NXPE2: variants seen among roughly 807,000 people sequenced by gnomAD.
NXPE2 encodes the protein NXPE family member 2.
In NXPE2, 34 loss-of-function variants were observed where a neutral mutation model predicts 34.4. The ratio of observed to expected loss-of-function variants is 0.99; its 90% confidence interval spans 0.75 to 1.31. NXPE2 has a LOEUF of 1.31. Among genes scored for constraint, NXPE2 ranks in the 40% most tolerant of loss-of-function variants. NXPE2 has a pLI of 0.00. For synonymous variants in NXPE2, 235 were observed against 231.3 expected (o/e 1.02, Z -0.15); for missense variants, 649 against 672.5 (o/e 0.97, Z 0.39).
the NXPE2 span, among the ~76,000 whole-genome samples, chr11:114,799,832 C>T: frequency 0.032 from 4,893 of 152,152 alleles, 266 homozygotes; most frequent in African/African-American, 0.11. Flanking sequence ...TCATGACCGG[C>T]GGTGTTAACA....
chr11:114,641,368 C>T, the NXPE2 span, among the ~76,000 whole-genome samples: 4 of 152,122 alleles, frequency 2.6e-5, no homozygotes, highest in African/African-American at 9.6e-5. Flanking sequence ...CAAAAATAGA[C>T]TACATACTGA....
At chr11:114,792,307 G>A in the NXPE2 span, among the ~76,000 whole-genome samples, 1 of 152,112 alleles carries the variant, frequency 6.6e-6, no homozygotes, top group Non-Finnish European at 1.5e-5. Flanking sequence ...CATCAGAGCT[G>A]TCTCCTTGGG....
At chr11:114,653,386 A>G in the NXPE2 span, among the ~76,000 whole-genome samples, 1 of 152,056 alleles carries the variant, frequency 6.6e-6, no homozygotes, top group East Asian at 1.9e-4. Flanking sequence ...TAGACAATAA[A>G]CCATCTATTT....
At chr11:114,622,859 C>A in the NXPE2 span, among the ~76,000 whole-genome samples, 1 of 151,734 alleles carries the variant, frequency 6.6e-6, no homozygotes, top group Non-Finnish European at 1.5e-5. Flanking sequence ...TCATGGGATA[C>A]CACTGTTAAC....
At chr11:114,699,986 G>T (rs1265752617) in intron 3 of NXPE2, among the ~76,000 whole-genome samples, 1 of 151,994 alleles carries the variant, frequency 6.6e-6, no homozygotes, top group African/African-American at 2.4e-5. Flanking sequence ...TAGAGACAGG[G>T]TTTTACCATG....
chr11:114,495,506 C>T, the NXPE2 span, among the ~76,000 whole-genome samples: 4 of 151,750 alleles, frequency 2.6e-5, no homozygotes, highest in African/African-American at 9.7e-5. Context: ...TGCTCTGCCC[C>T]ACTGTAACCA....
chr11:114,603,928 G>T, the NXPE2 span, among the ~76,000 whole-genome samples: 1 of 151,158 alleles, frequency 6.6e-6, no homozygotes, highest in Non-Finnish European at 1.5e-5. Context: ...CTAATACCTG[G>T]TGGATAATAA....
the NXPE2 span, among the ~76,000 whole-genome samples, chr11:114,744,700 C>G: frequency 1.3e-5 from 2 of 152,108 alleles, no homozygotes; most frequent in Non-Finnish European, 2.9e-5. Context: ...ATCCTTGCTA[C>G]TCAGGTGCCT....
rs2135571737 is a variant in NXPE2 at position 114,704,046 on chromosome 11, T to C, written c.922T>C (p.Cys308Arg). The part of the protein sequence containing the change: ...KNFTPIEVIP[C>R]NKSENIKKNC... ...CTTTACCCCCATTGAGGTCATACCA[T>C]GCAACAGTAAGTCTGGAGTGTTGTT... The change falls in exon 4 of 6, where the codon TGC becomes CGC. Residue 308 changes from cysteine to arginine, a missense_variant. By Grantham distance (180) the Cys-to-Arg change is radical (BLOSUM62 -3). Coordinates refer to ENST00000389586, the MANE Select transcript of NXPE2 (RefSeq NM_182495.6). 1 of 1,550,326 alleles carries C rather than the reference T, an allele frequency of 6.5e-7. No homozygotes were observed. The highest frequency in any genetic ancestry group is 1.2e-5 in the South Asian group (1 of 84,000).
chr11:114,760,953 T>C, the NXPE2 span, among the ~76,000 whole-genome samples: 10 of 152,280 alleles, frequency 6.6e-5, no homozygotes, highest in East Asian at 1.9e-3. Flanking sequence ...TTATTAAATG[T>C]CATTGCTTCT....
At chr11:114,514,623 A>G in the NXPE2 span, among the ~76,000 whole-genome samples, 2 of 152,134 alleles carry the variant, frequency 1.3e-5, no homozygotes, top group African/African-American at 4.8e-5. Context: ...TCCTGGGCTG[A>G]AGTGATCCTC....
chr11:114,578,889 G>GT, the NXPE2 span, among the ~76,000 whole-genome samples: 11 of 152,094 alleles, frequency 7.2e-5, no homozygotes, highest in Non-Finnish European at 1.5e-4. Flanking sequence ...AATGGCTGTT[G>GT]TTTTTTTGGG....
chr11:114,584,045 G>C, the NXPE2 span: 1 of 328,306 alleles, frequency 3.0e-6, no homozygotes, highest in African/African-American at 2.1e-5. Flanking sequence ...TGGCTCAGAT[G>C]CCTTGTCTAG....
At chr11:114,798,807 A>C in the NXPE2 span, among the ~76,000 whole-genome samples, 2 of 152,040 alleles carry the variant, frequency 1.3e-5, no homozygotes, top group African/African-American at 2.4e-5. Flanking sequence ...TTAACATTTC[A>C]TCTAGTCCCT....
At chr11:114,613,690 G>A in the NXPE2 span, among the ~76,000 whole-genome samples, 155 of 151,870 alleles carry the variant, frequency 1.0e-3, no homozygotes, top group Middle Eastern at 3.4e-3. Flanking sequence ...GTGTTGCCTC[G>A]TGGGGAGCCA....
At chr11:114,759,490 C>T in the NXPE2 span, among the ~76,000 whole-genome samples, 1 of 152,166 alleles carries the variant, frequency 6.6e-6, no homozygotes, top group Non-Finnish European at 1.5e-5. Context: ...TTAACTAACA[C>T]CTTGTAAATG....
downstream of NXPE2, among the ~76,000 whole-genome samples, chr11:114,708,112 T>C (rs1052686356): frequency 2.6e-5 from 4 of 152,170 alleles, no homozygotes; most frequent in African/African-American, 9.7e-5. Flanking sequence ...ATAGATTAAA[T>C]GATTCAAGTT....
the NXPE2 span, among the ~76,000 whole-genome samples, chr11:114,738,774 C>T: frequency 6.6e-6 from 1 of 152,128 alleles, no homozygotes; most frequent in Non-Finnish European, 1.5e-5. Flanking sequence ...GCCAGCCTCC[C>T]AGCACCTCAT....
the NXPE2 span, among the ~76,000 whole-genome samples, chr11:114,601,510 A>ACATAT: frequency 1.1e-5 from 1 of 93,942 alleles, no homozygotes. Context: ...TATATAAATT[A>ACATAT]TATATTATAT....
Sources: gnomAD v4.1 joint callset for allele counts (sites outside exome capture counted in the v4.1 genomes callset) on GRCh38, gnomAD v4.1.1 for gene constraint, MANE v1.5 for transcripts, NCBI Gene and HGNC (gene_info 2026-07-23, HGNC 2026-07-21) for gene names.